The following NEDD4 variants were observed in gnomAD, a reference collection of about 807,000 sequenced individuals.
NEDD4 encodes the protein NEDD4 E3 ubiquitin protein ligase, also known as E3 ubiquitin-protein ligase NEDD4.
Under a neutral mutation model 144.9 loss-of-function variants are expected in NEDD4, and 99 were observed. The ratio of observed to expected loss-of-function variants is 0.68; its 90% CI spans 0.58 to 0.81. NEDD4 has a LOEUF of 0.81. NEDD4 is among the 30% of genes least tolerant of loss of function. NEDD4 has a pLI of 0.00. For synonymous variants in NEDD4, 318 were observed against 350.6 expected (o/e 0.91, Z 1.04); for missense variants, 985 against 1,065.9 (o/e 0.92, Z 1.06).
At position 55,895,217 on chromosome 15, in the gene NEDD4, AT is replaced by A. The variant is rs1162160704; in HGVS notation, c.292-21210del. On this transcript the variant is annotated intron_variant, in intron 5 of 28. Transcript: ENST00000435532. ...CTTCTGAGCACTAATTATGATATTA[AT>A]TTTTTTCTTTTTAGAAATGTCTGCC... Among the ~76,000 whole-genome samples, 5 of 152,318 alleles carry A rather than the reference AT, an allele frequency of 3.3e-5. No homozygotes were observed. In the South Asian group the frequency reaches 6.2e-4, roughly 19 times the overall value.
At chr15:55,925,122 G>A (rs776325812) in intron 4 of NEDD4, among the ~76,000 whole-genome samples, 16 of 152,226 alleles carry the variant, frequency 1.1e-4, no homozygotes, top group Non-Finnish European at 1.8e-4. Flanking sequence ...TTCTAATTCC[G>A]ATTATTTGGA....
chr15:55,961,618 C>A (rs1412427710), intron 2 of NEDD4, among the ~76,000 whole-genome samples: 1 of 151,948 alleles, frequency 6.6e-6, no homozygotes, highest in Non-Finnish European at 1.5e-5. Flanking sequence ...CTACAGGAGC[C>A]CACCACCACA....
Position 55,880,686 on chromosome 15 carries a change from A to C in NEDD4, c.292-6678T>G, listed in dbSNP as rs140298624. ...GAGCATAGAGGAATCTCAGAAAGAC[A>C]GGGAAAGGAAGTCTCAGAGTAACAG... On this transcript the variant is annotated intron_variant, in intron 5 of 28. Transcript: ENST00000435532. Among the ~76,000 whole-genome samples the C allele has an allele frequency of 1.3e-3, 191 of 152,266 alleles. 1 individual carries two copies. The highest frequency in any genetic ancestry group is 4.4e-3 in the African/African-American group (183 of 41,564).
At position 55,915,932 on chromosome 15, in the gene NEDD4, A is replaced by G. The variant is rs758313710; in HGVS notation, c.291+8714T>C. 1.9e-6 allele frequency: 3 copies of G among 1,614,010 alleles called. No individual in the cohort carries two copies. The South Asian group carries it at 3.3e-5, about 18-fold the overall frequency. On this transcript the variant is annotated intron_variant, in intron 5 of 28. Transcript: ENST00000435532. ...TATGTGCAATTTCACTAGGAGAAAT[A>G]ATAAACTGGTGTGAAGTTTGATAGG... is the stretch of plus-strand genomic sequence containing the variant.
chr15:55,954,741 C>A (rs1244853206), intron 2 of NEDD4, among the ~76,000 whole-genome samples: 1 of 152,178 alleles, frequency 6.6e-6, no homozygotes, highest in African/African-American at 2.4e-5. Flanking sequence ...TCAGGCTGGT[C>A]TTCAACTCCC....
chr15:55,916,968 T>C, intron 5 of NEDD4: 2 of 1,419,076 alleles, frequency 1.4e-6, no homozygotes, highest in Non-Finnish European at 1.8e-6. Context: ...AGTAGTAGTC[T>C]TTATCCTAAG....
chr15:55,915,951 T>G (rs370666865), intron 5 of NEDD4: 2 of 1,613,954 alleles, frequency 1.2e-6, no homozygotes, highest in Non-Finnish European at 1.7e-6. Context: ...GTGTGAAGTT[T>G]GATAGGATCC....
chr15:55,833,247 T>C (rs1227206369), intron 26 of NEDD4, 143 bp from the exon 27 acceptor site: 6 of 589,898 alleles, frequency 1.0e-5, no homozygotes, highest in Admixed American at 6.1e-5. Flanking sequence ...TTTTTGTTTA[T>C]AGATGGTTTA....
At chr15:55,838,478 G>T in intron 22 of NEDD4, 31 bp downstream of exon 22, 1 of 1,404,576 alleles carries the variant, frequency 7.1e-7, no homozygotes, top group South Asian at 1.2e-5. Flanking sequence ...CACAATTTAT[G>T]TGCCATTTTA....
At chr15:55,973,384 C>G (rs192604582) in intron 1 of NEDD4, among the ~76,000 whole-genome samples, 254 of 149,034 alleles carry the variant, frequency 1.7e-3, no homozygotes, top group Middle Eastern at 6.9e-3. Flanking sequence ...TAAAAACAAA[C>G]AAAAAAACAA....
At chr15:55,836,207 T>C (rs1348972517) in intron 24 of NEDD4, among the ~76,000 whole-genome samples, 2 of 152,202 alleles carry the variant, frequency 1.3e-5, no homozygotes, top group African/African-American at 4.8e-5. Flanking sequence ...CCTAGCACTT[T>C]ATGCTTGCCT....
At chr15:55,987,149 T>A (rs2037909381) in intron 1 of NEDD4, 1 of 107,642 alleles carries the variant, frequency 9.3e-6, no homozygotes, top group African/African-American at 3.7e-5. Flanking sequence ...TCCTGACTTT[T>A]TAATGATTGC....
chr15:55,953,192 G>A (rs1304963252), intron 2 of NEDD4, among the ~76,000 whole-genome samples: 1 of 151,800 alleles, frequency 6.6e-6, no homozygotes, highest in Admixed American at 6.6e-5. Flanking sequence ...GCTTCACCAT[G>A]TTGGCCAGGA....
chr15:55,953,006 T>C (rs80304445), intron 2 of NEDD4, among the ~76,000 whole-genome samples: 1 of 152,066 alleles, frequency 6.6e-6, no homozygotes, highest in African/African-American at 2.4e-5. Flanking sequence ...TTCTTTTTTT[T>C]TGAGACAGAG....
At chr15:55,860,835 C>A in intron 9 of NEDD4, 57 bp from the exon 10 acceptor site, 2 of 1,453,052 alleles carry the variant, frequency 1.4e-6, no homozygotes, top group South Asian at 1.2e-5. Context: ...AAATGATTGT[C>A]AAAGATTCTG....
At chr15:55,858,606 C>G (rs2034286754) in intron 11 of NEDD4, among the ~76,000 whole-genome samples, 1 of 152,180 alleles carries the variant, frequency 6.6e-6, no homozygotes, top group African/African-American at 2.4e-5. Context: ...CACGCCTGGC[C>G]TAATGTAGTT....
chr15:55,903,816 C>A (rs1465262040), intron 5 of NEDD4, among the ~76,000 whole-genome samples: 3 of 122,434 alleles, frequency 2.5e-5, no homozygotes, highest in African/African-American at 9.6e-5. Context: ...CAGAGTGAGA[C>A]TCCATCTCAA....
At chr15:55,906,618 A>T (rs1440393733) in intron 5 of NEDD4, among the ~76,000 whole-genome samples, 1 of 110,352 alleles carries the variant, frequency 9.1e-6, no homozygotes, top group African/African-American at 3.5e-5. Context: ...AACATCACAC[A>T]CCGGGGCCTG....
At chr15:55,842,835 A>G (rs76268348) in intron 18 of NEDD4, among the ~76,000 whole-genome samples, 5,879 of 152,114 alleles carry the variant, frequency 0.039, 223 homozygotes, top group East Asian at 0.19. Context: ...CCCTACCTCT[A>G]CTTTCCTCCC....
Sources: gnomAD v4.1 joint callset for allele counts (sites outside exome capture counted in the v4.1 genomes callset) on GRCh38, gnomAD v4.1.1 for gene constraint, MANE v1.5 for transcripts, NCBI Gene and HGNC (gene_info 2026-07-23, HGNC 2026-07-21) for gene names.